The following TFF1 variants were observed in gnomAD, a reference collection of about 807,000 sequenced individuals.
TFF1 encodes the protein trefoil factor 1, also known as breast cancer estrogen-inducible protein.
TFF1 carries 8 observed loss-of-function variants against 7.7 expected under a neutral mutation model. That is an observed-to-expected ratio of 1.04 (90% CI 0.61 to 1.87). The LOEUF is 1.87. Among genes scored for constraint, TFF1 ranks in the 40% most tolerant of loss-of-function variants. The pLI is 0.00. For missense variants in TFF1, 120 were observed against 113.4 expected (o/e 1.06, Z -0.26); for synonymous variants, 47 against 44.8 (o/e 1.05, Z -0.19).
At chr21:42,366,357 G>T in intron 1 of TFF1, 54 bp downstream of exon 1, 1 of 1,421,148 alleles carries the variant, frequency 7.0e-7, no homozygotes, top group Non-Finnish European at 9.8e-7. Context: ...GGCTCCTGGC[G>T]GAGGCTGCCA....
intron 1 of TFF1, among the ~76,000 whole-genome samples, chr21:42,363,693 A>C (rs2052258127): frequency 6.6e-6 from 1 of 152,268 alleles, no homozygotes. Flanking sequence ...AATTTTACTC[A>C]ATACATAAAT....
At chr21:42,365,583 C>T (rs922156259) in intron 1 of TFF1, among the ~76,000 whole-genome samples, 11 of 152,126 alleles carry the variant, frequency 7.2e-5, no homozygotes, top group African/African-American at 1.9e-4. Flanking sequence ...GCTTTGGAAA[C>T]GTAGAAAGCC....
At chr21:42,364,238 T>G in intron 1 of TFF1, among the ~76,000 whole-genome samples, 1 of 151,876 alleles carries the variant, frequency 6.6e-6, no homozygotes, top group Non-Finnish European at 1.5e-5. Context: ...GAGAGGCCAA[T>G]GACAAGCAGG....
At chr21:42,363,172 T>G in intron 2 of TFF1, 83 bp downstream of exon 2, 1 of 1,577,544 alleles carries the variant, frequency 6.3e-7, no homozygotes, top group South Asian at 1.1e-5. Flanking sequence ...TAGCTGGTGA[T>G]GCTGATCAGA....
intron 1 of TFF1, among the ~76,000 whole-genome samples, chr21:42,364,034 G>A (rs933518478): frequency 6.6e-6 from 1 of 151,578 alleles, no homozygotes; most frequent in Non-Finnish European, 1.5e-5. Context: ...TTGAACCCAG[G>A]AGGCAGAGGT....
intron 2 of TFF1, among the ~76,000 whole-genome samples, chr21:42,362,863 C>T (rs1283688006): frequency 4.0e-5 from 6 of 148,580 alleles, no homozygotes; most frequent in Non-Finnish European, 8.9e-5. Context: ...CGCACCATTG[C>T]ACTCCAGCTC....
In TFF1 at chr21:42,362,286, T is replaced by C; in HGVS notation, c.*193A>G. On this transcript the variant is annotated 3_prime_UTR_variant, in exon 3 of 3. Transcript: ENST00000291527. Reference sequence around the variant, plus strand: ...TAAAAGAATGAACAGCACAGATTAATATCGATCTCTTTTAATTTTTAGGCC... The same window carrying C: ...TAAAAGAATGAACAGCACAGATTAACATCGATCTCTTTTAATTTTTAGGCC... 1 of 614,422 alleles carries C rather than the reference T, an allele frequency of 1.6e-6. No homozygotes were observed. The highest frequency in any genetic ancestry group is 2.0e-5 in the South Asian group (1 of 50,376). The allele number at this position is 614,422 out of a possible 1,614,324, so 38.1% of individuals were successfully genotyped here.
chr21:42,364,646 C>T (rs1044736042), intron 1 of TFF1, among the ~76,000 whole-genome samples: 2 of 152,248 alleles, frequency 1.3e-5, no homozygotes, highest in Non-Finnish European at 2.9e-5. Context: ...CCAGAGCACC[C>T]TCCGGTCCCT....
chr21:42,365,516 TG>T (rs1326650861), intron 1 of TFF1, among the ~76,000 whole-genome samples: 2 of 151,986 alleles, frequency 1.3e-5, no homozygotes, highest in Non-Finnish European at 2.9e-5. Context: ...TGGAGGGCAG[TG>T]GGGGCACGGA....
At chr21:42,363,748 T>G (rs1055969972) in intron 1 of TFF1, among the ~76,000 whole-genome samples, 1 of 152,240 alleles carries the variant, frequency 6.6e-6, no homozygotes, top group East Asian at 1.9e-4. Flanking sequence ...GGAGCTAGCA[T>G]GGCAAAAGCC....
intron 1 of TFF1, among the ~76,000 whole-genome samples, chr21:42,364,825 G>A (rs890431450): frequency 6.6e-6 from 1 of 152,200 alleles, no homozygotes; most frequent in African/African-American, 2.4e-5. Context: ...GGAAGGATCC[G>A]TGTTCAGCTC....
intron 1 of TFF1, among the ~76,000 whole-genome samples, chr21:42,366,192 C>T (rs1000936285): frequency 3.3e-5 from 5 of 152,304 alleles, no homozygotes; most frequent in South Asian, 4.1e-4. Context: ...AGGCAGCCCC[C>T]TCCTCGTCGC....
rs34795821 is a variant in TFF1, at chr21:42,366,431, G to A, written c.65C>T (p.Thr22Ile). ...LVLVSMLALG[T>I]LAEAQTETCT... The stretch of plus-strand genomic sequence containing the variant: ...CTTACCTGTCTGGGCCTCGGCCAGG[G>A]TGCCGAGGGCCAGCATGGACACCAG... The change falls in exon 1 of 3, where the codon ACC becomes ATC. Residue 22 changes from threonine (T) to isoleucine (I), a missense_variant. Transcript: ENST00000291527. 20,539 of 1,611,788 alleles carry A rather than the reference G, an allele frequency of 0.013. 168 individuals carry two copies. Among genetic ancestry groups the A allele is most frequent in the Middle Eastern group, 0.015 (93 of 6,046 alleles).
intron 2 of TFF1, among the ~76,000 whole-genome samples, 179 bp from the exon 3 acceptor site, chr21:42,362,674 G>A (rs532330752): frequency 6.6e-6 from 1 of 152,334 alleles, no homozygotes; most frequent in South Asian, 2.1e-4. Context: ...CTGGGAGGCT[G>A]AGGCGGGCAG....
intron 1 of TFF1, among the ~76,000 whole-genome samples, chr21:42,364,062 G>A (rs182143376): frequency 6.7e-6 from 1 of 148,610 alleles, no homozygotes; most frequent in Non-Finnish European, 1.5e-5. Flanking sequence ...AGCCAAGATC[G>A]CACCATTGCA....
rs576965436 is a variant in TFF1, at chr21:42,363,537, C to G, written c.86-130G>C. On this transcript the variant is annotated intron_variant, in intron 1 of 2. Coordinates refer to ENST00000291527, the MANE Select transcript of TFF1 (RefSeq NM_003225.3). ...TCCAGTGAGGCGGATATAAAACCCTCAGGACATGAGAGGGAGACGTGGTCC... is the reference window on the plus strand; with the variant it reads ...TCCAGTGAGGCGGATATAAAACCCTGAGGACATGAGAGGGAGACGTGGTCC... 5.8e-6 allele frequency: 7 copies of G among 1,213,368 alleles called. No homozygotes were observed. The South Asian group carries it at 1.1e-4, about 20-fold the overall frequency. 75.2% of individuals were successfully genotyped at this position (1,213,368 alleles called of 1,614,324 possible).
At chr21:42,364,180 C>T (rs1236815992) in intron 1 of TFF1, among the ~76,000 whole-genome samples, 3 of 151,948 alleles carry the variant, frequency 2.0e-5, no homozygotes, top group African/African-American at 7.3e-5. Flanking sequence ...AACGCAAGGC[C>T]ATCGTCCCAG....
Position 42,363,263 on chromosome 21 carries a change from G to A in TFF1, c.230C>T (p.Pro77Leu). Residue 77 changes from proline to leucine, a missense_variant, in exon 2 of 3, where the codon CCT (proline) becomes CTT (leucine). Physicochemically the swap from Pro to Leu is moderately conservative, Grantham distance 98. Coordinates refer to ENST00000291527, the MANE Select transcript of TFF1 (RefSeq NM_003225.3). ...GTATAAAAAGGCCATACCTTCTGGAGGGACGTCGATGGTATTAGGATAGAA... is the reference window on the plus strand; with the variant it reads ...GTATAAAAAGGCCATACCTTCTGGAAGGACGTCGATGGTATTAGGATAGAA... ...WCFYPNTIDV[P>L]PEEECEF 1.2e-6 allele frequency: 2 copies of A among 1,614,178 alleles called. No individual in the cohort carries two copies. The highest frequency in any genetic ancestry group is 1.7e-6 in the Non-Finnish European group (2 of 1,180,042).
chr21:42,364,919 C>T (rs899222085), intron 1 of TFF1, among the ~76,000 whole-genome samples: 3 of 152,124 alleles, frequency 2.0e-5, no homozygotes, highest in Non-Finnish European at 2.9e-5. Context: ...CGCCCACCCC[C>T]GGGACACTGT....
Sources: allele counts gnomAD v4.1 joint callset (sites outside exome capture counted in the v4.1 genomes callset), GRCh38; gene constraint gnomAD v4.1.1; transcripts MANE v1.5; gene names NCBI Gene and HGNC (gene_info 2026-07-23, HGNC 2026-07-21).